LCORL: variants seen among roughly 807,000 people sequenced by gnomAD.
LCORL encodes ligand dependent nuclear receptor corepressor like, also known as ligand-dependent nuclear receptor corepressor-like protein.
In LCORL, 41 loss-of-function variants were observed where a neutral mutation model predicts 141.8. The ratio of observed to expected loss-of-function variants is 0.29; its 90% CI spans 0.23 to 0.38. The LOEUF is 0.38. Ranked by LOEUF, LCORL falls within the 10% of genes least tolerant of loss-of-function variation. The pLI is 1.00. For synonymous variants in LCORL, 618 were observed against 694.1 expected, an observed-to-expected ratio of 0.89 and a Z score of 1.72; for missense variants, 1,759 against 2,035.0, an observed-to-expected ratio of 0.86 and a Z score of 2.61.
intron 1 of LCORL, among the ~76,000 whole-genome samples, chr4:18,012,670 T>C (rs942639758): frequency 1.5e-4 from 22 of 151,592 alleles, no homozygotes; most frequent in African/African-American, 5.4e-4. Flanking sequence ...AGGAAACTTT[T>C]TTGAAGGGGA....
chr4:17,910,755 G>A (rs1732394388), intron 4 of LCORL, among the ~76,000 whole-genome samples: 1 of 152,170 alleles, frequency 6.6e-6, no homozygotes, highest in African/African-American at 2.4e-5. Context: ...GATATAAGCT[G>A]GTCCTGCATA....
chr4:17,938,067 G>A (rs1463002710), intron 4 of LCORL, among the ~76,000 whole-genome samples: 6 of 149,202 alleles, frequency 4.0e-5, no homozygotes, highest in African/African-American at 1.2e-4. Context: ...GTGCAGTGGC[G>A]CGATCTCAGC....
rs761414904 is a variant in LCORL, at chr4:17,952,415, T to A, written c.430+9488A>T. Among the ~76,000 whole-genome samples the A allele has an allele frequency of 9.7e-4, 105 of 108,512 alleles. 1 individual carries two copies. Among genetic ancestry groups the A allele is most frequent in the Non-Finnish European group, 1.2e-3 (70 of 58,268 alleles). The allele number at this position is 108,512 out of a possible 152,430, so 71.2% of individuals were successfully genotyped here. A position where few individuals can be genotyped will look rare whatever the true frequency, so the allele number is the denominator to read the frequency against. The stretch of plus-strand genomic sequence containing the variant: ...CCATTTTCTTTCCCCTCAAAAACAA[T>A]TTTTTTTTTTTTTTTTTTGAGATGG... On this transcript the variant is annotated intron_variant, in intron 4 of 7. Coordinates refer to ENST00000635767, the Ensembl canonical transcript of LCORL.
chr4:17,971,763 A>G (rs945076885), intron 2 of LCORL, among the ~76,000 whole-genome samples: 1 of 151,752 alleles, frequency 6.6e-6, no homozygotes, highest in Non-Finnish European at 1.5e-5. Context: ...TCTTTGGCCT[A>G]AACTGTATAA....
chr4:17,909,648 A>G (rs886600186), intron 4 of LCORL, among the ~76,000 whole-genome samples: 19 of 152,292 alleles, frequency 1.2e-4, no homozygotes, highest in African/African-American at 4.6e-4. Context: ...AAGAGTTTTA[A>G]TATTCATTCA....
chr4:17,850,230 T>C (rs1297749492), intron 7 of LCORL, among the ~76,000 whole-genome samples: 14 of 144,916 alleles, frequency 9.7e-5, no homozygotes, highest in Admixed American at 9.7e-4. Flanking sequence ...GGCAAGGACT[T>C]CATGTCTAAA....
intron 4 of LCORL, among the ~76,000 whole-genome samples, chr4:17,939,360 C>T (rs1311910645): frequency 6.6e-6 from 1 of 152,078 alleles, no homozygotes; most frequent in Non-Finnish European, 1.5e-5. Flanking sequence ...AACAGTTTGG[C>T]AGTTTCTGAT....
chr4:18,007,894 A>G (rs915741095), intron 1 of LCORL, among the ~76,000 whole-genome samples: 4 of 152,194 alleles, frequency 2.6e-5, no homozygotes, highest in Non-Finnish European at 5.9e-5. Context: ...CCAGAACACA[A>G]ATACTAAAAG....
intron 1 of LCORL, among the ~76,000 whole-genome samples, chr4:18,020,055 G>T (rs1037243047): frequency 6.6e-6 from 1 of 151,864 alleles, no homozygotes; most frequent in African/African-American, 2.4e-5. Flanking sequence ...TACATTTTTC[G>T]TAAGGGCAAA....
At chr4:17,875,993 G>A (rs771346944) in exon 7 of LCORL, 166 of 1,230,854 alleles carry the variant, frequency 1.3e-4, no homozygotes, top group Non-Finnish European at 1.6e-4. Context: ...CTTCAGTTAC[G>A]TGATGGGTTG....
intron 1 of LCORL, among the ~76,000 whole-genome samples, chr4:17,978,351 C>T (rs920038197): frequency 6.6e-6 from 1 of 152,062 alleles, no homozygotes; most frequent in Non-Finnish European, 1.5e-5. Context: ...ATACCAAGAA[C>T]TTGAGAGGGT....
At chr4:18,000,908 T>C (rs1460850733) in intron 1 of LCORL, among the ~76,000 whole-genome samples, 4 of 152,242 alleles carry the variant, frequency 2.6e-5, no homozygotes, top group Non-Finnish European at 4.4e-5. Flanking sequence ...TGTAGTTCTA[T>C]TTAGAAACAA....
chr4:17,842,280 A>AAAAACAAAAAGCAACTGATAATAAT (rs753243972), exon 8 of LCORL: 1 of 1,593,988 alleles, frequency 6.3e-7, no homozygotes, highest in Non-Finnish European at 8.6e-7. Context: ...CTGATAATAA[A>AAAAACAAAAAGCAACTGATAATAAT]TCCTGATAAT....
At chr4:17,985,360 G>A (rs1718777269) in intron 1 of LCORL, among the ~76,000 whole-genome samples, 1 of 151,866 alleles carries the variant, frequency 6.6e-6, no homozygotes, top group African/African-American at 2.4e-5. Context: ...ATACCCTCAG[G>A]GGAGTGCTGA....
Position 17,991,877 on chromosome 4 carries a change from T to TCCTCAC in LCORL, c.155-18998_155-18993dup, listed in dbSNP as rs200449728. Among the ~76,000 whole-genome samples, 2 of 146,124 alleles carry TCCTCAC rather than the reference T, an allele frequency of 1.4e-5. 1 individual carries two copies. The highest frequency in any genetic ancestry group is 4.6e-4 in the South Asian group (2 of 4,380). On this transcript the variant is annotated intron_variant, in intron 1 of 7. Transcript: ENST00000635767. ...CCTAAACTTTGCTCAATCTAATCTC[T>TCCTCAC]CCTCACCCTCACCCTCACAGAGAGG...
At chr4:17,940,185 TATAC>T (rs1044697843) in intron 4 of LCORL, among the ~76,000 whole-genome samples, 7 of 147,310 alleles carry the variant, frequency 4.8e-5, no homozygotes, top group Admixed American at 6.8e-5. Context: ...TATATATATA[TATAC>T]ACACACACAC....
intron 5 of LCORL, among the ~76,000 whole-genome samples, chr4:17,890,575 A>G (rs1272583127): frequency 6.6e-6 from 1 of 152,068 alleles, no homozygotes; most frequent in Non-Finnish European, 1.5e-5. Context: ...AATTTTTACT[A>G]ACATTTAATA....
intron 4 of LCORL, among the ~76,000 whole-genome samples, chr4:17,925,828 G>A (rs377285967): frequency 2.9e-5 from 4 of 136,098 alleles, no homozygotes; most frequent in South Asian, 2.2e-4. Context: ...CTGAGATTGC[G>A]CCACTGCACT....
At chr4:17,842,633 A>G (rs1722527005) in exon 8 of LCORL, 1 of 356,288 alleles carries the variant, frequency 2.8e-6, no homozygotes, top group Non-Finnish European at 5.2e-6. Flanking sequence ...ATTTTTAATT[A>G]CATGATGTGA....
Sources: allele counts gnomAD v4.1 joint callset (sites outside exome capture counted in the v4.1 genomes callset), GRCh38; gene constraint gnomAD v4.1.1; transcripts MANE v1.5; gene names NCBI Gene and HGNC (gene_info 2026-07-23, HGNC 2026-07-21).